WRN: variants seen among roughly 807,000 people sequenced by gnomAD.
WRN encodes the protein WRN RecQ like helicase.
WRN carries 149 observed loss-of-function variants against 180.7 expected under a neutral mutation model. That is an observed-to-expected ratio of 0.82 (90% CI 0.72 to 0.94). The LOEUF (loss-of-function observed/expected upper bound fraction) is 0.94. Among genes scored for constraint, WRN ranks in the 40% least tolerant of loss-of-function variants. The probability of loss-of-function intolerance (pLI) is 0.00; values close to 1 mark genes in which losing one functional copy is unlikely to be tolerated. For missense variants in WRN, 1,661 were observed against 1,700.1 expected, an observed-to-expected ratio of 0.98 and a Z score of 0.40; for synonymous variants, 548 against 568.9, an observed-to-expected ratio of 0.96 and a Z score of 0.52.
At chr8:31,095,640 C>T (rs931454309) in intron 16 of WRN, among the ~76,000 whole-genome samples, 1 of 152,112 alleles carries the variant, frequency 6.6e-6, no homozygotes, top group Non-Finnish European at 1.5e-5. Context: ...TTTAAAAAGA[C>T]TATGCTTTTA....
intron 23 of WRN, among the ~76,000 whole-genome samples, chr8:31,128,641 C>T (rs577796854): frequency 4.3e-4 from 65 of 152,200 alleles, no homozygotes; most frequent in African/African-American, 1.5e-3. Flanking sequence ...GGGTGGATCC[C>T]GAGGTCAGGA....
intron 1 of WRN, among the ~76,000 whole-genome samples, chr8:31,034,276 A>T (rs1423831885): frequency 6.6e-6 from 1 of 152,206 alleles, no homozygotes; most frequent in African/African-American, 2.4e-5. Flanking sequence ...TTATGGCAGA[A>T]ATTGAGCCAC....
At chr8:31,072,095 G>T (rs987197794) in intron 7 of WRN, among the ~76,000 whole-genome samples, 15 of 152,182 alleles carry the variant, frequency 9.9e-5, no homozygotes, top group African/African-American at 3.4e-4. Flanking sequence ...TGAGAATCCC[G>T]AGGAACTCTT....
chr8:31,174,519 TC>T lies in WRN; in HGVS notation c.*1418del, dbSNP rs1804208690. 6.6e-6 allele frequency among the ~76,000 whole-genome samples: 1 copy of T among 152,196 alleles called. No homozygotes were observed. The highest frequency in any genetic ancestry group is 1.5e-5 in the Non-Finnish European group (1 of 68,028). Reference sequence around the variant, plus strand: ...TCAAAATTGAACTAAGTTGGCCTCTTCACGGAAAACAACTGGTATTTGTTGT... The same window carrying T: ...TCAAAATTGAACTAAGTTGGCCTCTTACGGAAAACAACTGGTATTTGTTGT... On this transcript the variant is annotated 3_prime_UTR_variant, in exon 35 of 35. Coordinates refer to ENST00000298139, the MANE Select transcript of WRN (RefSeq NM_000553.6).
At chr8:31,083,172 G>T (rs1813388021) in intron 9 of WRN, among the ~76,000 whole-genome samples, 2 of 152,130 alleles carry the variant, frequency 1.3e-5, no homozygotes, top group South Asian at 4.2e-4. Context: ...CCAAACATTG[G>T]CAATAGACTG....
Position 31,175,492 on chromosome 8 carries a change from C to T in WRN, c.*2390C>T, listed in dbSNP as rs1280870102. ...GATCTGTTCAGAGTACAAGATGGAC[C>T]AATGGATTTGATATATTTGAATATA... On this transcript the variant is annotated 3_prime_UTR_variant, in exon 35 of 35. Transcript: ENST00000298139. 6.6e-6 allele frequency among the ~76,000 whole-genome samples: 1 copy of T among 152,048 alleles called. No homozygotes were observed. The highest frequency in any genetic ancestry group is 1.5e-5 in the Non-Finnish European group (1 of 68,006).
chr8:31,076,358 G>T, intron 8 of WRN, 71 bp downstream of exon 8: 1 of 1,298,288 alleles, frequency 7.7e-7, no homozygotes, highest in Non-Finnish European at 1.1e-6. Context: ...TTTCCTATAT[G>T]TGAAGAATAC....
At chr8:31,152,028 A>G (rs1563383650) in intron 31 of WRN, among the ~76,000 whole-genome samples, 3 of 152,156 alleles carry the variant, frequency 2.0e-5, no homozygotes, top group Admixed American at 1.3e-4. Context: ...ATTTTTATAT[A>G]AATACATTTT....
intron 3 of WRN, among the ~76,000 whole-genome samples, chr8:31,059,757 T>A (rs1254640950): frequency 4.6e-5 from 7 of 152,178 alleles, no homozygotes; most frequent in Admixed American, 1.3e-4. Context: ...TTAAAAAATG[T>A]TCTAACTAAA....
chr8:31,172,256 A>G (rs149249342), intron 34 of WRN, among the ~76,000 whole-genome samples: 17 of 152,208 alleles, frequency 1.1e-4, no homozygotes, highest in African/African-American at 3.9e-4. Flanking sequence ...CCTGGGCTCC[A>G]GTGATCCTGC....
intron 20 of WRN, 84 bp downstream of exon 20, chr8:31,116,612 G>A: frequency 8.3e-6 from 13 of 1,562,966 alleles, no homozygotes; most frequent in Non-Finnish European, 1.1e-5. Flanking sequence ...GATCTTTATT[G>A]AATACTTTCT....
intron 8 of WRN, among the ~76,000 whole-genome samples, chr8:31,077,419 T>C (rs1183903586): frequency 6.7e-6 from 1 of 148,530 alleles, no homozygotes; most frequent in African/African-American, 2.5e-5. Flanking sequence ...TTTTTTTTTA[T>C]TTTTAGTAGA....
intron 1 of WRN, among the ~76,000 whole-genome samples, chr8:31,050,313 A>T (rs963833147): frequency 6.6e-6 from 1 of 152,180 alleles, no homozygotes; most frequent in Non-Finnish European, 1.5e-5. Context: ...GACAGGATTC[A>T]GTTACACCTT....
chr8:31,062,062 C>T (rs1220106464), intron 3 of WRN, among the ~76,000 whole-genome samples: 1 of 152,128 alleles, frequency 6.6e-6, no homozygotes, highest in Non-Finnish European at 1.5e-5. Flanking sequence ...ATTCTTCTCC[C>T]TGTTCTGTTG....
In WRN at chr8:31,134,248, C is replaced by T. The variant is rs750867583; in HGVS notation, c.2967+1742C>T. On this transcript the variant is annotated intron_variant, in intron 24 of 34. Coordinates refer to ENST00000298139, the MANE Select transcript of WRN (RefSeq NM_000553.6). The stretch of plus-strand genomic sequence containing the variant: ...TTAGTGAAATGTTCCCTTTAACCAA[C>T]TTAGGAAAAATTAATATCTTTGTAC... 1.8e-4 allele frequency among the ~76,000 whole-genome samples: 27 copies of T among 152,086 alleles called. 1 individual carries two copies. In the South Asian group the frequency reaches 2.1e-3, roughly 12 times the overall value.
At chr8:31,113,379 G>A (rs936797355) in intron 19 of WRN, among the ~76,000 whole-genome samples, 4 of 152,100 alleles carry the variant, frequency 2.6e-5, no homozygotes, top group African/African-American at 9.7e-5. Context: ...ATTTGCTCCT[G>A]GCTTTCTTGT....
intron 1 of WRN, among the ~76,000 whole-genome samples, chr8:31,041,341 G>A (rs1811649523): frequency 6.6e-6 from 1 of 152,132 alleles, no homozygotes; most frequent in Admixed American, 6.6e-5. Context: ...CCCTTACTTA[G>A]CCTTTTTATT....
intron 1 of WRN, among the ~76,000 whole-genome samples, chr8:31,050,089 C>G (rs745479665): frequency 6.6e-6 from 1 of 152,030 alleles, no homozygotes; most frequent in Non-Finnish European, 1.5e-5. Flanking sequence ...TTCCAAATAA[C>G]TTAAAGATAA....
chr8:31,067,137 T>G lies in WRN; in HGVS notation c.609T>G (p.Phe203Leu), dbSNP rs1812739240. 2 of 1,613,966 alleles carry G rather than the reference T, an allele frequency of 1.2e-6. No homozygotes were observed. Among genetic ancestry groups the G allele is most frequent in the Non-Finnish European group, 1.7e-6 (2 of 1,179,968 alleles). ...TCCGCTGTAGCAATTGGAGTAAATT[T>G]CCTCTCACTGAGGACCAGAAACTGT... is the stretch of plus-strand genomic sequence containing the variant. ...KSIRCSNWSKFPLTEDQKLYA... is the reference protein window; with the variant it reads ...KSIRCSNWSKLPLTEDQKLYA... Residue 203 changes from phenylalanine to leucine, a missense_variant, in exon 6 of 35, where the codon TTT (phenylalanine) becomes TTG (leucine). Transcript: ENST00000298139.
Sources: gnomAD v4.1 joint callset for allele counts (sites outside exome capture counted in the v4.1 genomes callset) on GRCh38, gnomAD v4.1.1 for gene constraint, MANE v1.5 for transcripts, NCBI Gene and HGNC (gene_info 2026-07-23, HGNC 2026-07-21) for gene names.